Variants in SCUBE2 observed in about 807,000 individuals in gnomAD.
The protein encoded by SCUBE2 is signal peptide, CUB domain and EGF like domain containing 2.
A neutral mutation model predicts 125.9 loss-of-function variants in SCUBE2; 114 were observed. That is an observed-to-expected ratio of 0.91 (90% CI 0.78 to 1.06). The LOEUF (loss-of-function observed/expected upper bound fraction) is 1.06, where lower values mean the gene tolerates loss of function less well. Among genes scored for constraint, SCUBE2 ranks in the 50% least tolerant of loss-of-function variants. SCUBE2 has a pLI of 0.00. For synonymous variants in SCUBE2, 459 were observed against 492.9 expected, an observed-to-expected ratio of 0.93 and a Z score of 0.91; for missense variants, 1,255 against 1,301.8, an observed-to-expected ratio of 0.96 and a Z score of 0.55.
intron 16 of SCUBE2, among the ~76,000 whole-genome samples, chr11:9,046,246 G>T (rs1438051746): frequency 1.3e-5 from 2 of 151,936 alleles, no homozygotes; most frequent in African/African-American, 4.8e-5. Flanking sequence ...CTGACCTCGT[G>T]ATCTGCCCGC....
intron 7 of SCUBE2, among the ~76,000 whole-genome samples, chr11:9,061,789 G>A (rs1413812424): frequency 1.3e-5 from 2 of 152,142 alleles, no homozygotes; most frequent in East Asian, 3.9e-4. Context: ...GTTAGCAGGA[G>A]AGCAGTATCT....
intron 16 of SCUBE2, among the ~76,000 whole-genome samples, chr11:9,044,954 T>G (rs1857562183): frequency 6.6e-6 from 1 of 152,174 alleles, no homozygotes; most frequent in South Asian, 2.1e-4. Context: ...ACCCCTCACC[T>G]TGGCCTGGCA....
At chr11:9,054,716 TATATATA>T (rs1249952400) in intron 10 of SCUBE2, among the ~76,000 whole-genome samples, 5 of 79,824 alleles carry the variant, frequency 6.3e-5, no homozygotes, top group African/African-American at 2.5e-4. Context: ...TATATATATA[TATATATA>T]TATTTTTTTT....
chr11:9,045,821 C>G (rs11042162), intron 16 of SCUBE2, among the ~76,000 whole-genome samples: 54,392 of 151,866 alleles, frequency 0.36, 10,463 homozygotes, highest in Admixed American at 0.49. Context: ...TGCTGTCAGA[C>G]CTGGACCTGA....
At chr11:9,047,607 C>T (rs768006001) in intron 15 of SCUBE2, 45 bp from the exon 16 acceptor site, 97 of 1,574,574 alleles carry the variant, frequency 6.2e-5, no homozygotes, top group Non-Finnish European at 8.0e-5. Context: ...GATCAGGCTG[C>T]AGCGTGTGAC....
chr11:9,062,093 A>G (rs1260032224), intron 7 of SCUBE2, among the ~76,000 whole-genome samples: 1 of 152,216 alleles, frequency 6.6e-6, no homozygotes, highest in Non-Finnish European at 1.5e-5. Context: ...GGCACCAGGA[A>G]TAGCAGAGGA....
At chr11:9,050,903 T>C in intron 13 of SCUBE2, among the ~76,000 whole-genome samples, 193 bp from the exon 14 acceptor site, 1 of 152,128 alleles carries the variant, frequency 6.6e-6, no homozygotes. Context: ...ACCAGGAGCC[T>C]CCTAAAATTG....
intron 17 of SCUBE2, chr11:9,031,300 A>G (rs939658476): frequency 6.2e-6 from 1 of 162,438 alleles, no homozygotes; most frequent in Non-Finnish European, 1.3e-5. Context: ...TAGACCCAGA[A>G]GTACCCCTTT....
At position 9,021,012 on chromosome 11, in the gene SCUBE2, A is replaced by C; in HGVS notation, c.*33T>G. The C allele has an allele frequency of 1.9e-6, 3 of 1,598,556 alleles. No homozygotes were observed. Among genetic ancestry groups the C allele is most frequent in the Non-Finnish European group, 2.6e-6 (3 of 1,171,122 alleles). On this transcript the variant is annotated 3_prime_UTR_variant, in exon 23 of 23. Coordinates refer to ENST00000649792, the MANE Select transcript of SCUBE2 (RefSeq NM_001367977.2). ...AGCTCTGTCCCACCAACCCTATAGCAGAACATTTGTATTGAGTGGCACGTG... is the reference window on the plus strand; with the variant it reads ...AGCTCTGTCCCACCAACCCTATAGCCGAACATTTGTATTGAGTGGCACGTG...
intron 10 of SCUBE2, among the ~76,000 whole-genome samples, chr11:9,054,584 T>C (rs895265725): frequency 6.6e-6 from 1 of 151,222 alleles, no homozygotes; most frequent in African/African-American, 2.4e-5. Context: ...ACATCCATAC[T>C]CAGGGTACAT....
At position 9,091,351 on chromosome 11, in the gene SCUBE2, G is replaced by T; in HGVS notation, c.133+45C>A. ...GCCGGGGACCTAAACACTCTTCCTG[G>T]CCCTGCCTGCTGTGCCAGGTGCGCC... is the stretch of plus-strand genomic sequence containing the variant. On this transcript the variant is annotated intron_variant, in intron 1 of 22. Coordinates refer to ENST00000649792, the MANE Select transcript of SCUBE2 (RefSeq NM_001367977.2). This position sits in a 1 kb window ranked among gnomAD's most constrained non-coding sequence, Gnocchi z 8.5. The T allele has an allele frequency of 2.4e-6, 3 of 1,274,920 alleles. No homozygotes were observed. Among genetic ancestry groups the T allele is most frequent in the East Asian group, 3.2e-5 (1 of 30,838 alleles). 79.0% of individuals were successfully genotyped at this position (1,274,920 alleles called of 1,614,324 possible). A position where few individuals can be genotyped will look rare whatever the true frequency, so the allele number is the denominator to read the frequency against.
chr11:9,066,880 CA>C, intron 5 of SCUBE2, 67 bp from the exon 6 acceptor site: 1 of 1,304,300 alleles, frequency 7.7e-7, no homozygotes, highest in Non-Finnish European at 1.1e-6. Flanking sequence ...GTGTTTGCTC[CA>C]GAGAAATTCT....
rs1858037705 is a variant in SCUBE2 at position 9,048,632 on chromosome 11, A to G, written c.1640-534T>C. On this transcript the variant is annotated intron_variant, in intron 14 of 22. Coordinates refer to ENST00000649792, the MANE Select transcript of SCUBE2 (RefSeq NM_001367977.2). Reference sequence around the variant, plus strand: ...CATTTTTAAATAACCAGGAGCAATAAATGGTACAAAGCATCAACAGAACCT... The same window carrying G: ...CATTTTTAAATAACCAGGAGCAATAGATGGTACAAAGCATCAACAGAACCT... Among the ~76,000 whole-genome samples, 4 of 152,230 alleles carry G rather than the reference A, an allele frequency of 2.6e-5. No individual in the cohort carries two copies. The South Asian group carries it at 8.3e-4, about 32-fold the overall frequency.
intron 10 of SCUBE2, among the ~76,000 whole-genome samples, chr11:9,054,348 A>C (rs1301239816): frequency 1.3e-5 from 2 of 152,060 alleles, no homozygotes; most frequent in Non-Finnish European, 2.9e-5. Flanking sequence ...ACTCAGAAGG[A>C]TCCGCACTCT....
intron 2 of SCUBE2, among the ~76,000 whole-genome samples, chr11:9,083,851 T>C (rs1861853409): frequency 6.6e-6 from 1 of 152,164 alleles, no homozygotes; most frequent in Non-Finnish European, 1.5e-5. Flanking sequence ...AGAATGAATC[T>C]TGTGGTAATG....
chr11:9,072,961 G>A (rs7396889), intron 4 of SCUBE2, among the ~76,000 whole-genome samples: 138,304 of 152,240 alleles, frequency 0.91, 62,921 homozygotes, highest in African/African-American at 0.95. Flanking sequence ...TGGAAGTACA[G>A]GGATAAGAGG....
intron 9 of SCUBE2, 22 bp from the exon 10 acceptor site, chr11:9,055,931 G>T: frequency 1.9e-6 from 3 of 1,594,226 alleles, no homozygotes; most frequent in Non-Finnish European, 2.6e-6. Context: ...AAAGGGAGAG[G>T]GGAGCTGAAA....
At chr11:9,079,686 T>G (rs57594088) in intron 2 of SCUBE2, among the ~76,000 whole-genome samples, 177 bp from the exon 3 acceptor site, 4,519 of 152,228 alleles carry the variant, frequency 0.03, 251 homozygotes, top group African/African-American at 0.1. Context: ...GACAAAATAC[T>G]GTAAACAACC....
At chr11:9,024,779 G>A (rs950691788) in intron 21 of SCUBE2, among the ~76,000 whole-genome samples, 2 of 152,194 alleles carry the variant, frequency 1.3e-5, no homozygotes, top group African/African-American at 4.8e-5. Context: ...CATCTCTCAA[G>A]ACTTTGCTCT....
Sources: gnomAD v4.1 joint callset for allele counts (sites outside exome capture counted in the v4.1 genomes callset) on GRCh38, gnomAD v4.1.1 for gene constraint, Gnocchi (gnomAD v3.1) non-coding constraint, MANE v1.5 for transcripts, NCBI Gene and HGNC (gene_info 2026-07-23, HGNC 2026-07-21) for gene names.